The following ARMH4 variants were observed in gnomAD, a reference collection of about 807,000 sequenced individuals.
The protein encoded by ARMH4 is armadillo-like helical domain-containing protein 4.
A neutral mutation model predicts 61.9 loss-of-function variants in ARMH4; 49 were observed. That is an observed-to-expected ratio of 0.79 (90% CI 0.63 to 1.00). The LOEUF is 1.00. Among genes scored for constraint, ARMH4 ranks in the 50% least tolerant of loss-of-function variants. ARMH4 has a pLI of 0.00. For missense variants in ARMH4, 934 were observed against 930.0 expected (o/e 1.00, Z -0.06); for synonymous variants, 368 against 341.5 (o/e 1.08, Z -0.85).
chr14:58,088,805 A>T (rs1360564333), intron 5 of ARMH4, among the ~76,000 whole-genome samples: 1 of 152,180 alleles, frequency 6.6e-6, no homozygotes, highest in Non-Finnish European at 1.5e-5. Context: ...TTTTTAAGAC[A>T]CATTAATCCA....
At chr14:58,129,534 A>G (rs562346544) in intron 4 of ARMH4, among the ~76,000 whole-genome samples, 2 of 152,370 alleles carry the variant, frequency 1.3e-5, no homozygotes, top group African/African-American at 4.8e-5. Context: ...CTCTAGGCAT[A>G]AGCTTATGGA....
Position 58,096,880 on chromosome 14 carries a change from C to G in ARMH4, c.1933G>C (p.Glu645Gln). 1 of 1,614,178 alleles carries G rather than the reference C, an allele frequency of 6.2e-7. No individual in the cohort carries two copies. The highest frequency in any genetic ancestry group is 8.5e-7 in the Non-Finnish European group (1 of 1,180,032). ...EEDKDADSLD[E>Q]GLDGDTELPG... ...AGCTCAGTGTCACCATCCAAGCCCT[C>G]ATCCAGCGAGTCTGCATCTTTATCT... Residue 645 changes from glutamate to glutamine, a missense_variant, in exon 5 of 8, where the codon GAG becomes CAG. Physicochemically the swap from Glu to Gln is conservative, Grantham distance 29 (BLOSUM62 2). Transcript: ENST00000267485.
intron 2 of ARMH4, among the ~76,000 whole-genome samples, chr14:58,135,520 T>C (rs1368179419): frequency 6.6e-6 from 1 of 151,818 alleles, no homozygotes; most frequent in Non-Finnish European, 1.5e-5. Context: ...TCAAAATGCA[T>C]AGTATCTTGA....
chr14:58,090,100 A>T (rs941066777), intron 5 of ARMH4, among the ~76,000 whole-genome samples: 1 of 152,222 alleles, frequency 6.6e-6, no homozygotes, highest in African/African-American at 2.4e-5. Context: ...AGAAAAATAT[A>T]CCACTTCCTC....
At chr14:58,101,689 C>T (rs1171250092) in intron 4 of ARMH4, 1 of 151,348 alleles carries the variant, frequency 6.6e-6, no homozygotes, top group Non-Finnish European at 1.5e-5. Context: ...AAAAAAATCT[C>T]AATTTGTTTT....
Position 58,144,519 on chromosome 14 carries a change from T to C in ARMH4, c.-56-5105A>G, listed in dbSNP as rs1887669912. On this transcript the variant is annotated intron_variant, in intron 1 of 7. Transcript: ENST00000267485. ...GTGATCATACCACTACACTCCATTCTGGGCGACAGAGAAAAGACCCTGTCT... is the reference window on the plus strand; with the variant it reads ...GTGATCATACCACTACACTCCATTCCGGGCGACAGAGAAAAGACCCTGTCT... 2.0e-5 allele frequency among the ~76,000 whole-genome samples: 3 copies of C among 152,222 alleles called. No homozygotes were observed. In the South Asian group the frequency reaches 6.2e-4, roughly 32 times the overall value.
At position 58,138,790 on chromosome 14, in the gene ARMH4, T is replaced by C; in HGVS notation, c.569A>G (p.Gln190Arg). The part of the protein sequence containing the change: ...TKGFLKYMDN[Q>R]SFATESQEGV... ...TTCCTGACTTTCAGTTGCAAATGATTGATTATCCATATACTTCAGAAAACC... is the reference window on the plus strand; with the variant it reads ...TTCCTGACTTTCAGTTGCAAATGATCGATTATCCATATACTTCAGAAAACC... Residue 190 changes from glutamine to arginine, a missense_variant, in exon 2 of 8, where the codon CAA becomes CGA. Coordinates refer to ENST00000267485, the MANE Select transcript of ARMH4 (RefSeq NM_001001872.4). 6.2e-7 allele frequency: 1 copy of C among 1,614,218 alleles called. No homozygotes were observed. Among genetic ancestry groups the C allele is most frequent in the Non-Finnish European group, 8.5e-7 (1 of 1,180,042 alleles).
At chr14:58,119,271 T>C (rs982451860) in intron 4 of ARMH4, among the ~76,000 whole-genome samples, 1 of 152,212 alleles carries the variant, frequency 6.6e-6, no homozygotes, top group South Asian at 2.1e-4. Context: ...GCAAAACAAC[T>C]TCGTGGTTAT....
At chr14:58,141,142 G>C (rs1475004502) in intron 1 of ARMH4, 1 of 206,496 alleles carries the variant, frequency 4.8e-6, no homozygotes, top group African/African-American at 2.4e-5. Flanking sequence ...AAATGGGTTT[G>C]AAAACCCTAA....
intron 4 of ARMH4, among the ~76,000 whole-genome samples, chr14:58,111,703 A>G (rs2881768): frequency 0.12 from 17,818 of 147,136 alleles, 1,896 homozygotes; most frequent in African/African-American, 0.3. Context: ...TTTTTATTTC[A>G]TTAGAGATGG....
At chr14:58,021,417 C>G (rs1349001438) in intron 5 of ARMH4, among the ~76,000 whole-genome samples, 1 of 152,226 alleles carries the variant, frequency 6.6e-6, no homozygotes, top group Non-Finnish European at 1.5e-5. Context: ...CCTTAGCCTT[C>G]TGCCATGATT....
chr14:58,059,884 C>T (rs178490), intron 5 of ARMH4, among the ~76,000 whole-genome samples: 98,841 of 152,022 alleles, frequency 0.65, 33,220 homozygotes, highest in African/African-American at 0.82. Context: ...TTGAGCAGAC[C>T]GATAGACTCT....
chr14:58,022,069 T>C (rs932711071), intron 5 of ARMH4, among the ~76,000 whole-genome samples: 1 of 152,232 alleles, frequency 6.6e-6, no homozygotes, highest in African/African-American at 2.4e-5. Context: ...ATCAGACTCA[T>C]GGCCTAAAGT....
intron 5 of ARMH4, among the ~76,000 whole-genome samples, chr14:58,066,603 T>C (rs965643589): frequency 6.6e-6 from 1 of 152,116 alleles, no homozygotes; most frequent in African/African-American, 2.4e-5. Context: ...TAATTAATGT[T>C]ATAAAAAAAT....
At chr14:58,050,901 T>G (rs1197435977) in intron 5 of ARMH4, among the ~76,000 whole-genome samples, 1 of 152,094 alleles carries the variant, frequency 6.6e-6, no homozygotes, top group East Asian at 1.9e-4. Flanking sequence ...CATTAAACTC[T>G]TCCACATCTT....
At chr14:58,106,601 A>G (rs993395570) in intron 4 of ARMH4, among the ~76,000 whole-genome samples, 1 of 152,204 alleles carries the variant, frequency 6.6e-6, no homozygotes, top group Non-Finnish European at 1.5e-5. Flanking sequence ...ACCCTCTCTT[A>G]GCCAACTTTA....
At chr14:58,077,017 C>T (rs1002279140) in intron 5 of ARMH4, among the ~76,000 whole-genome samples, 3 of 152,152 alleles carry the variant, frequency 2.0e-5, no homozygotes, top group Non-Finnish European at 4.4e-5. Flanking sequence ...CTTAGCTTGG[C>T]CCCTTCTGAA....
At chr14:58,093,647 C>G (rs1480031543) in intron 5 of ARMH4, among the ~76,000 whole-genome samples, 1 of 152,172 alleles carries the variant, frequency 6.6e-6, no homozygotes, top group African/African-American at 2.4e-5. Context: ...TTTTACCTGA[C>G]CTCAGAGTCT....
intron 7 of ARMH4, 107 bp downstream of exon 7, chr14:58,004,941 G>A (rs986701197): frequency 2.8e-5 from 44 of 1,555,520 alleles, no homozygotes; most frequent in South Asian, 1.4e-4. Flanking sequence ...CACTGGGCAC[G>A]TCAATACCAC....
Sources: allele counts gnomAD v4.1 joint callset (sites outside exome capture counted in the v4.1 genomes callset), GRCh38; gene constraint gnomAD v4.1.1; transcripts MANE v1.5; gene names NCBI Gene and HGNC (gene_info 2026-07-23, HGNC 2026-07-21).